PHLDB2: variants seen among roughly 807,000 people sequenced by gnomAD.
PHLDB2 encodes pleckstrin homology-like domain family B member 2.
In PHLDB2, 71 loss-of-function variants were observed where a neutral mutation model predicts 123.6. The observed-to-expected ratio is 0.57, with a 90% confidence interval of 0.47 to 0.70. The LOEUF (loss-of-function observed/expected upper bound fraction) is 0.70, where lower values mean the gene tolerates loss of function less well. Ranked by LOEUF, PHLDB2 falls within the 30% of genes least tolerant of loss-of-function variation. PHLDB2 has a pLI of 0.00. For synonymous variants in PHLDB2, 547 were observed against 541.6 expected (o/e 1.01, Z -0.14); for missense variants, 1,446 against 1,519.5 (o/e 0.95, Z 0.80).
intron 2 of PHLDB2, among the ~76,000 whole-genome samples, chr3:111,895,461 G>C (rs1263008622): frequency 3.3e-5 from 5 of 152,114 alleles, no homozygotes; most frequent in Admixed American, 2.6e-4. Context: ...ATGAACACTT[G>C]TTTCTTAAAT....
chr3:111,895,068 C>G (rs72938265), intron 2 of PHLDB2, among the ~76,000 whole-genome samples: 2 of 149,884 alleles, frequency 1.3e-5, no homozygotes, highest in African/African-American at 4.9e-5. Flanking sequence ...AAAAAAAAAA[C>G]GGTTGTCATA....
intron 6 of PHLDB2, among the ~76,000 whole-genome samples, chr3:111,937,240 A>G (rs1405548802): frequency 6.6e-6 from 1 of 152,222 alleles, no homozygotes; most frequent in Non-Finnish European, 1.5e-5. Context: ...AGAAGATAGA[A>G]ATACATTTCA....
intron 1 of PHLDB2, among the ~76,000 whole-genome samples, chr3:111,742,207 A>G (rs996766439): frequency 2.6e-5 from 4 of 152,164 alleles, no homozygotes; most frequent in Admixed American, 6.5e-5. Flanking sequence ...GGATACTACT[A>G]TTCTTCACAT....
At chr3:111,855,629 C>T (rs200620834), upstream of PHLDB2, among the ~76,000 whole-genome samples, 23 of 79,842 alleles carry the variant, frequency 2.9e-4, no homozygotes, top group African/African-American at 5.8e-4. Context: ...CTGCATTTGT[C>T]TTTTTTTTTT....
intron 2 of PHLDB2, among the ~76,000 whole-genome samples, chr3:111,852,338 A>C (rs933574516): frequency 3.4e-5 from 5 of 148,456 alleles, no homozygotes; most frequent in African/African-American, 1.2e-4. Context: ...ATTATGTTAT[A>C]TGTAAAGATC....
At chr3:111,953,817 C>G (rs1481264172) in intron 11 of PHLDB2, 113 bp from the exon 12 acceptor site, 1 of 747,052 alleles carries the variant, frequency 1.3e-6, no homozygotes, top group Non-Finnish European at 2.1e-6. Flanking sequence ...CAAAGACTTA[C>G]CTTCTCTGCC....
At chr3:111,950,620 T>C (rs2070652137) in intron 10 of PHLDB2, among the ~76,000 whole-genome samples, 1 of 152,198 alleles carries the variant, frequency 6.6e-6, no homozygotes, top group Non-Finnish European at 1.5e-5. Context: ...AAAAATTTGT[T>C]TTGAGACTTC....
At chr3:111,779,918 C>A (rs1396481977) in intron 1 of PHLDB2, 21 of 946,348 alleles carry the variant, frequency 2.2e-5, no homozygotes, top group Non-Finnish European at 2.6e-5. Context: ...ATACACCCAA[C>A]ACTTGGCTAT....
chr3:111,790,528 C>G (rs2060872321), intron 1 of PHLDB2, among the ~76,000 whole-genome samples: 1 of 152,234 alleles, frequency 6.6e-6, no homozygotes, highest in Non-Finnish European at 1.5e-5. Context: ...ATTATTGCAA[C>G]TCAGGAGCCA....
chr3:111,779,693 C>A (rs756705648), intron 1 of PHLDB2, among the ~76,000 whole-genome samples: 1 of 152,032 alleles, frequency 6.6e-6, no homozygotes, highest in Non-Finnish European at 1.5e-5. Flanking sequence ...TTGATGGGCA[C>A]CTGGGTTCAT....
intron 6 of PHLDB2, 29 bp downstream of exon 6, chr3:111,932,426 A>G: frequency 6.6e-7 from 1 of 1,526,716 alleles, no homozygotes; most frequent in Non-Finnish European, 8.8e-7. Flanking sequence ...TGCACCAGTT[A>G]TTTTGCTTTT....
intron 5 of PHLDB2, among the ~76,000 whole-genome samples, chr3:111,928,822 A>C (rs1012190261): frequency 1.3e-5 from 2 of 152,240 alleles, no homozygotes; most frequent in African/African-American, 2.4e-5. Flanking sequence ...AGACAAGTCA[A>C]AGTGAGAACA....
At position 111,829,436 on chromosome 3, in the gene PHLDB2, ATTTCTTTTTCTT is replaced by A. The variant is rs755899848; in HGVS notation, c.-48-16369_-48-16358del. Among the ~76,000 whole-genome samples, 804 of 137,492 alleles carry A rather than the reference ATTTCTTTTTCTT, an allele frequency of 5.8e-3. 17 individuals carry two copies. The highest frequency in any genetic ancestry group is 0.041 in the Admixed American group (567 of 13,674). 90.2% of individuals were successfully genotyped at this position (137,492 alleles called of 152,430 possible). On this transcript the variant is annotated intron_variant, in intron 1 of 17. Transcript: ENST00000393923. Reference sequence around the variant, plus strand: ...AAAAAAAAAAGTCCTAACATCTGATATTTCTTTTTCTTTTTCTTTTTCTTTTTTTTTGGTTTT... The same window carrying A: ...AAAAAAAAAAGTCCTAACATCTGATATTTCTTTTTCTTTTTTTTTGGTTTT...
chr3:111,734,399 G>A (rs1344618135), intron 1 of PHLDB2, among the ~76,000 whole-genome samples: 2 of 152,120 alleles, frequency 1.3e-5, no homozygotes, highest in African/African-American at 4.8e-5. Context: ...GCAACAAAGT[G>A]AGCCTCTGTC....
intron 1 of PHLDB2, among the ~76,000 whole-genome samples, chr3:111,829,927 A>C (rs1249591459): frequency 5.1e-5 from 7 of 135,942 alleles, no homozygotes; most frequent in East Asian, 2.1e-4. Context: ...AACTATTCAA[A>C]ACACACACAC....
chr3:111,883,868 T>G (rs2066051862), intron 1 of PHLDB2, 196 bp from the exon 2 acceptor site: 2 of 550,802 alleles, frequency 3.6e-6, no homozygotes, highest in African/African-American at 3.8e-5. Flanking sequence ...TGTACATAAG[T>G]TATCTCAGGT....
At chr3:111,955,160 T>TATA (rs398071926) in intron 12 of PHLDB2, among the ~76,000 whole-genome samples, 5 of 135,784 alleles carry the variant, frequency 3.7e-5, no homozygotes, top group African/African-American at 1.1e-4. Flanking sequence ...TATATATATA[T>TATA]CTCTCACTGG....
chr3:111,787,320 G>A (rs2060725184), intron 1 of PHLDB2, among the ~76,000 whole-genome samples: 1 of 152,180 alleles, frequency 6.6e-6, no homozygotes, highest in African/African-American at 2.4e-5. Context: ...AGTATTTACT[G>A]TGTGCTCTAT....
intron 3 of PHLDB2, chr3:111,916,611 T>C (rs2068192894): frequency 6.6e-6 from 1 of 152,208 alleles, no homozygotes; most frequent in African/African-American, 2.4e-5. Context: ...GAACTTGCTT[T>C]ATGTAACACT....
Sources: gnomAD v4.1 joint callset for allele counts (sites outside exome capture counted in the v4.1 genomes callset) on GRCh38, gnomAD v4.1.1 for gene constraint, MANE v1.5 for transcripts, NCBI Gene and HGNC (gene_info 2026-07-23, HGNC 2026-07-21) for gene names.